Variants in RNF214 observed in about 807,000 individuals in gnomAD.
RNF214 encodes ring finger protein 214.
In RNF214, 25 loss-of-function variants were observed where a neutral mutation model predicts 75.9. The observed-to-expected ratio is 0.33, with a 90% CI of 0.24 to 0.46. The LOEUF (loss-of-function observed/expected upper bound fraction) is 0.46. RNF214 is among the 20% of genes least tolerant of loss of function. RNF214 has a pLI of 1.00. For missense variants in RNF214, 725 were observed against 857.5 expected, an observed-to-expected ratio of 0.85 and a Z score of 1.93; for synonymous variants, 314 against 308.8, an observed-to-expected ratio of 1.02 and a Z score of -0.18.
intron 6 of RNF214, among the ~76,000 whole-genome samples, chr11:117,258,368 C>T (rs995755181): frequency 1.3e-5 from 2 of 151,934 alleles, no homozygotes; most frequent in African/African-American, 4.8e-5. Flanking sequence ...CGCCCAGCCC[C>T]GTCTTTTCTT....
intron 6 of RNF214, among the ~76,000 whole-genome samples, chr11:117,279,482 G>A (rs967433622): frequency 1.3e-5 from 2 of 151,976 alleles, no homozygotes; most frequent in African/African-American, 4.8e-5. Context: ...GGCGACAGGC[G>A]TGCGCCATCA....
chr11:117,243,392 C>T lies in RNF214; in HGVS notation c.679-1053C>T, dbSNP rs548786048. On this transcript the variant is annotated intron_variant, in intron 4 of 14. Coordinates refer to ENST00000300650, the MANE Select transcript of RNF214 (RefSeq NM_207343.4). ...AACTGCTGACCTCAAGTGATCCACC[C>T]GCCTCAGCTTCCCAAAGTGCTGGGA... Among the ~76,000 whole-genome samples the T allele has an allele frequency of 1.4e-4, 22 of 152,114 alleles. No individual in the cohort carries two copies. The East Asian group carries it at 3.7e-3, about 26-fold the overall frequency.
intron 6 of RNF214, among the ~76,000 whole-genome samples, chr11:117,257,995 A>G (rs2033563143): frequency 6.6e-6 from 1 of 152,158 alleles, no homozygotes; most frequent in Non-Finnish European, 1.5e-5. Flanking sequence ...GACCACCTGG[A>G]TTCAACAATT....
intron 4 of RNF214, among the ~76,000 whole-genome samples, chr11:117,241,379 A>G (rs2033076008): frequency 6.6e-6 from 1 of 151,826 alleles, no homozygotes; most frequent in Non-Finnish European, 1.5e-5. Flanking sequence ...CAAGAGATTG[A>G]GCCCATCCTG....
chr11:117,262,996 G>A (rs1433495793), intron 6 of RNF214, among the ~76,000 whole-genome samples: 1 of 151,768 alleles, frequency 6.6e-6, no homozygotes, highest in Admixed American at 6.6e-5. Context: ...TCATAGAGAC[G>A]GAGTTTCACC....
chr11:117,235,537 C>T (rs543413228), intron 2 of RNF214, among the ~76,000 whole-genome samples: 84 of 133,920 alleles, frequency 6.3e-4, no homozygotes, highest in Non-Finnish European at 1.1e-3. Context: ...CTCGCTCTGT[C>T]GCCCAGACTG....
intron 6 of RNF214, among the ~76,000 whole-genome samples, chr11:117,253,560 G>A (rs2033450998): frequency 6.6e-6 from 1 of 152,308 alleles, no homozygotes; most frequent in South Asian, 2.1e-4. Context: ...GACTTATTGT[G>A]TGCAGGTGCG....
intron 4 of RNF214, among the ~76,000 whole-genome samples, chr11:117,241,730 A>G (rs1313687366): frequency 6.6e-6 from 1 of 152,094 alleles, no homozygotes; most frequent in Non-Finnish European, 1.5e-5. Context: ...AAACCTTTCC[A>G]GGTGAAACAT....
chr11:117,282,461 C>T lies in RNF214; in HGVS notation c.1770C>T (p.Gly590=), dbSNP rs570304822. Residue 590 remains glycine (G), a synonymous_variant, in exon 12 of 15, where the codon GGC becomes GGT. Coordinates refer to ENST00000300650, the MANE Select transcript of RNF214 (RefSeq NM_207343.4). The part of the protein sequence containing the change: ...QIKTARTTMA[G]LTMEELIQLV... ...AGACAGCACGTACCACCATGGCAGG[C>T]CTGACCATGGAGGAACTTATCCAGT... 1.2e-6 allele frequency: 2 copies of T among 1,614,196 alleles called. No individual in the cohort carries two copies. The highest frequency in any genetic ancestry group is 1.1e-5 in the South Asian group (1 of 91,082).
chr11:117,278,397 A>T (rs939879029), intron 6 of RNF214, among the ~76,000 whole-genome samples: 3 of 152,194 alleles, frequency 2.0e-5, no homozygotes, highest in African/African-American at 7.2e-5. Context: ...AAGTATTTTC[A>T]TCCTATTCTG....
At chr11:117,266,649 C>T (rs1474872956) in intron 6 of RNF214, among the ~76,000 whole-genome samples, 4 of 152,136 alleles carry the variant, frequency 2.6e-5, no homozygotes, top group Non-Finnish European at 5.9e-5. Context: ...TGTGAGTCAC[C>T]ACACCTGGCC....
At chr11:117,266,223 ACTTAT>A (rs2033792907) in intron 6 of RNF214, among the ~76,000 whole-genome samples, 1 of 151,600 alleles carries the variant, frequency 6.6e-6, no homozygotes, top group South Asian at 2.1e-4. Context: ...AAGATTTTCC[ACTTAT>A]CTTTAGTTTT....
chr11:117,244,050 C>T (rs1201612958), intron 4 of RNF214, among the ~76,000 whole-genome samples: 1 of 152,208 alleles, frequency 6.6e-6, no homozygotes, highest in Non-Finnish European at 1.5e-5. Flanking sequence ...GGCACGATCT[C>T]AGCTCACTGT....
At chr11:117,280,299 G>A (rs759632981) in intron 8 of RNF214, 40 bp downstream of exon 8, 1 of 1,158,144 alleles carries the variant, frequency 8.6e-7, no homozygotes, top group Non-Finnish European at 1.2e-6. Context: ...TTGTTTTGCA[G>A]TTTGTTTGTT....
intron 6 of RNF214, among the ~76,000 whole-genome samples, chr11:117,262,384 G>A (rs1565340328): frequency 6.6e-6 from 1 of 151,986 alleles, no homozygotes; most frequent in Non-Finnish European, 1.5e-5. Flanking sequence ...ACCGCACCTG[G>A]CCTGTTTGGT....
At chr11:117,240,601 T>C (rs1428127130) in intron 4 of RNF214, among the ~76,000 whole-genome samples, 1 of 151,752 alleles carries the variant, frequency 6.6e-6, no homozygotes, top group Non-Finnish European at 1.5e-5. Context: ...GGCAGGAGAA[T>C]GGCTTGAACC....
intron 5 of RNF214, 81 bp downstream of exon 5, chr11:117,244,666 A>G: frequency 9.7e-7 from 1 of 1,035,520 alleles, no homozygotes; most frequent in East Asian, 3.0e-5. Flanking sequence ...AACTTTATTT[A>G]TTTATTTATT....
intron 6 of RNF214, among the ~76,000 whole-genome samples, chr11:117,247,563 A>G (rs1019280576): frequency 6.9e-6 from 1 of 145,618 alleles, no homozygotes; most frequent in African/African-American, 2.5e-5. Flanking sequence ...TTACAAGTTC[A>G]GACCATGGGA....
chr11:117,244,429 G>A lies in RNF214; in HGVS notation c.679-16G>A, dbSNP rs1341266109. 12 of 1,601,698 alleles carry A rather than the reference G, an allele frequency of 7.5e-6. No individual in the cohort carries two copies. The highest frequency in any genetic ancestry group is 1.0e-5 in the Non-Finnish European group (12 of 1,174,076). On this transcript the variant is annotated splice_polypyrimidine_tract_variant and intron_variant, in intron 4 of 14. Coordinates refer to ENST00000300650, the MANE Select transcript of RNF214 (RefSeq NM_207343.4). ...TTAAATTAGGAAATAAGCTTTTCTT[G>A]TCTTGTTCATAATAGGATAAAATGA...
Sources: allele counts gnomAD v4.1 joint callset (sites outside exome capture counted in the v4.1 genomes callset), GRCh38; gene constraint gnomAD v4.1.1; transcripts MANE v1.5; gene names NCBI Gene and HGNC (gene_info 2026-07-23, HGNC 2026-07-21).